NPAS3: variants seen among roughly 807,000 people sequenced by gnomAD.
NPAS3 encodes the protein neuronal PAS domain protein 3, also known as neuronal PAS domain-containing protein 3.
A neutral mutation model predicts 73.1 loss-of-function variants in NPAS3; 14 were observed. The ratio of observed to expected loss-of-function variants is 0.19; its 90% CI spans 0.13 to 0.30. The LOEUF (loss-of-function observed/expected upper bound fraction) is 0.30. Ranked by LOEUF, NPAS3 falls within the 10% of genes least tolerant of loss-of-function variation. The pLI, the probability that NPAS3 is intolerant of heterozygous loss-of-function variation, is 1.00. For missense variants in NPAS3, 1,096 were observed against 1,250.0 expected, an observed-to-expected ratio of 0.88 and a Z score of 1.86; for synonymous variants, 620 against 541.5, an observed-to-expected ratio of 1.14 and a Z score of -2.01.
intron 3 of NPAS3, among the ~76,000 whole-genome samples, chr14:33,276,825 T>G (rs2041357939): frequency 6.6e-6 from 1 of 152,156 alleles, no homozygotes. Flanking sequence ...TAAACATATA[T>G]TCTTCTCATA....
intron 4 of NPAS3, among the ~76,000 whole-genome samples, chr14:33,544,825 A>ATATAATATATATATATAAT: frequency 1.5e-4 from 17 of 112,182 alleles, no homozygotes; most frequent in African/African-American, 6.5e-4. Flanking sequence ...TATATAATAT[A>ATATAATATATATATATAAT]TATGTGTATA....
intron 5 of NPAS3, among the ~76,000 whole-genome samples, chr14:33,575,457 C>T (rs1166017071): frequency 6.6e-6 from 1 of 152,310 alleles, no homozygotes; most frequent in East Asian, 1.9e-4. Flanking sequence ...CCAGATCTCT[C>T]TAATTTGTAG....
At chr14:33,725,981 C>T (rs2061253221) in intron 6 of NPAS3, among the ~76,000 whole-genome samples, 1 of 152,156 alleles carries the variant, frequency 6.6e-6, no homozygotes, top group African/African-American at 2.4e-5. Context: ...CTCCCACTTT[C>T]TCTTATTCTT....
intron 2 of NPAS3, among the ~76,000 whole-genome samples, chr14:33,111,327 G>A (rs527719213): frequency 1.0e-3 from 156 of 152,300 alleles, no homozygotes; most frequent in Non-Finnish European, 7.5e-4. Flanking sequence ...AGGGTAGAGC[G>A]TAGAACGGTG....
chr14:33,720,455 A>G (rs1033586266), intron 6 of NPAS3, among the ~76,000 whole-genome samples: 3 of 152,184 alleles, frequency 2.0e-5, no homozygotes, highest in Admixed American at 6.5e-5. Flanking sequence ...TTTGATTGCT[A>G]CGTGGGTCAG....
At chr14:33,746,886 C>A (rs1419673929) in intron 7 of NPAS3, among the ~76,000 whole-genome samples, 1 of 146,308 alleles carries the variant, frequency 6.8e-6, no homozygotes, top group African/African-American at 2.7e-5. Flanking sequence ...CAATGCTATC[C>A]CTCCCCCGTC....
At chr14:33,015,961 GT>G (rs1437260318) in intron 1 of NPAS3, among the ~76,000 whole-genome samples, 1 of 152,180 alleles carries the variant, frequency 6.6e-6, no homozygotes, top group African/African-American at 2.4e-5. Context: ...GAAAAGAGTA[GT>G]TTTTGGCTAC....
chr14:33,736,559 A>G (rs2061528566), intron 7 of NPAS3, among the ~76,000 whole-genome samples: 1 of 152,282 alleles, frequency 6.6e-6, no homozygotes, highest in South Asian at 2.1e-4. Flanking sequence ...ACCATTTTCT[A>G]TTGCCCTGCC....
At chr14:33,334,539 G>A (rs2140288276) in intron 3 of NPAS3, among the ~76,000 whole-genome samples, 1 of 152,228 alleles carries the variant, frequency 6.6e-6, no homozygotes, top group South Asian at 2.1e-4. Context: ...GTTAATTCAA[G>A]TTATTTTATA....
chr14:33,522,324 ACTT>A (rs2053592502), intron 4 of NPAS3, among the ~76,000 whole-genome samples: 2 of 151,922 alleles, frequency 1.3e-5, no homozygotes, highest in African/African-American at 4.8e-5. Flanking sequence ...TTTTTTAAAA[ACTT>A]CTTCTCCTTA....
chr14:33,457,767 C>G (rs558501853), intron 4 of NPAS3, among the ~76,000 whole-genome samples: 28 of 152,274 alleles, frequency 1.8e-4, no homozygotes, highest in African/African-American at 5.3e-4. Flanking sequence ...CTGGCTCGCT[C>G]TCTGGGCTTG....
At chr14:33,566,368 A>G (rs1387748366) in intron 5 of NPAS3, among the ~76,000 whole-genome samples, 1 of 152,042 alleles carries the variant, frequency 6.6e-6, no homozygotes, top group Admixed American at 6.6e-5. Flanking sequence ...TGTGCATGTC[A>G]AGGTTCCTCC....
intron 2 of NPAS3, among the ~76,000 whole-genome samples, chr14:33,074,413 CA>C (rs1251375530): frequency 6.6e-6 from 1 of 151,986 alleles, no homozygotes; most frequent in Non-Finnish European, 1.5e-5. Context: ...GCAGGGATAA[CA>C]CATTCTTTCT....
intron 5 of NPAS3, among the ~76,000 whole-genome samples, chr14:33,635,235 A>G (rs2058482022): frequency 6.6e-6 from 1 of 152,228 alleles, no homozygotes; most frequent in Non-Finnish European, 1.5e-5. Context: ...GGCCTGGGAT[A>G]TGCCCATCAC....
intron 5 of NPAS3, among the ~76,000 whole-genome samples, chr14:33,626,152 T>C (rs550849133): frequency 1.6e-4 from 24 of 152,344 alleles, no homozygotes; most frequent in African/African-American, 5.8e-4. Flanking sequence ...ATCATGTCTG[T>C]GTCTATGCTG....
At chr14:32,966,572 C>T (rs1008992975) in intron 1 of NPAS3, among the ~76,000 whole-genome samples, 1 of 152,016 alleles carries the variant, frequency 6.6e-6, no homozygotes. Flanking sequence ...AAGACTTACA[C>T]GTAAGAACCC....
At chr14:33,119,443 C>T (rs118029227) in intron 2 of NPAS3, among the ~76,000 whole-genome samples, 46 of 152,198 alleles carry the variant, frequency 3.0e-4, no homozygotes, top group Non-Finnish European at 6.2e-4. Flanking sequence ...ACGGTGCTTG[C>T]TGTTGCAACA....
chr14:33,786,381 A>G (rs2063174840), intron 9 of NPAS3, among the ~76,000 whole-genome samples: 1 of 152,064 alleles, frequency 6.6e-6, no homozygotes, highest in South Asian at 2.1e-4. Flanking sequence ...CTACTCATGT[A>G]TTTCTTTTTA....
At chr14:33,406,461 T>G (rs1018044958) in intron 4 of NPAS3, among the ~76,000 whole-genome samples, 1 of 152,132 alleles carries the variant, frequency 6.6e-6, no homozygotes, top group African/African-American at 2.4e-5. Context: ...CTGACTTAAG[T>G]GTCTATGACT....
Sources: allele counts gnomAD v4.1 joint callset (sites outside exome capture counted in the v4.1 genomes callset), GRCh38; gene constraint gnomAD v4.1.1; transcripts MANE v1.5; gene names NCBI Gene and HGNC (gene_info 2026-07-23, HGNC 2026-07-21).